TASP1: variants seen among roughly 807,000 people sequenced by gnomAD.
The protein encoded by TASP1 is threonine aspartase 1.
In TASP1, 16 loss-of-function variants were observed where a neutral mutation model predicts 56.6. That is an observed-to-expected ratio of 0.28 (90% CI 0.19 to 0.43). The LOEUF (loss-of-function observed/expected upper bound fraction) is 0.43, where lower values mean the gene tolerates loss of function less well. Among genes scored for constraint, TASP1 ranks in the 20% least tolerant of loss-of-function variants. TASP1 has a pLI of 1.00. For synonymous variants in TASP1, 179 were observed against 184.2 expected (o/e 0.97, Z 0.23); for missense variants, 393 against 511.6 (o/e 0.77, Z 2.24).
chr20:13,477,235 T>C (rs928851601), intron 11 of TASP1, among the ~76,000 whole-genome samples: 1 of 152,106 alleles, frequency 6.6e-6, no homozygotes, highest in African/African-American at 2.4e-5. Flanking sequence ...GATCCTCTAA[T>C]GTCAATGACA....
At chr20:13,573,381 A>G (rs1034262381) in intron 6 of TASP1, among the ~76,000 whole-genome samples, 1 of 152,162 alleles carries the variant, frequency 6.6e-6, no homozygotes, top group Admixed American at 6.5e-5. Context: ...TGGGACACTG[A>G]ATCCCCCAGC....
the TASP1 span, among the ~76,000 whole-genome samples, chr20:13,132,550 T>A: frequency 0.018 from 2,804 of 152,276 alleles, 53 homozygotes; most frequent in South Asian, 0.03. Context: ...TTGCCCTCAC[T>A]AAAAGGTAAA....
At chr20:13,609,931 C>T (rs573921087) in intron 4 of TASP1, among the ~76,000 whole-genome samples, 2 of 152,190 alleles carry the variant, frequency 1.3e-5, no homozygotes, top group South Asian at 4.2e-4. Flanking sequence ...AATACTGCTC[C>T]TCCAAAAAAT....
chr20:13,331,466 TC>T, the TASP1 span, among the ~76,000 whole-genome samples: 1 of 152,158 alleles, frequency 6.6e-6, no homozygotes, highest in Non-Finnish European at 1.5e-5. Context: ...CTTTACATCA[TC>T]AAAATATTTA....
intron 13 of TASP1, among the ~76,000 whole-genome samples, chr20:13,397,245 C>T (rs188252103): frequency 2.0e-5 from 3 of 152,304 alleles, no homozygotes; most frequent in Admixed American, 1.3e-4. Context: ...ACATGGATCT[C>T]GCTCTAAGTG....
chr20:13,422,583 A>T (rs2042482566), intron 12 of TASP1, among the ~76,000 whole-genome samples: 1 of 152,196 alleles, frequency 6.6e-6, no homozygotes, highest in Non-Finnish European at 1.5e-5. Flanking sequence ...TGCCTAAATG[A>T]AGCTTATCCA....
At chr20:13,481,065 T>G (rs1214980078) in intron 11 of TASP1, among the ~76,000 whole-genome samples, 1 of 152,156 alleles carries the variant, frequency 6.6e-6, no homozygotes, top group East Asian at 1.9e-4. Context: ...CTTTCTTATT[T>G]TTTTGTACCT....
At chr20:13,216,277 A>G in the TASP1 span, among the ~76,000 whole-genome samples, 1 of 152,202 alleles carries the variant, frequency 6.6e-6, no homozygotes, top group Non-Finnish European at 1.5e-5. Flanking sequence ...CCCAACTTAC[A>G]GATGAGGCAG....
In TASP1 at chr20:13,533,191, C is replaced by G. The variant is rs575990331; in HGVS notation, c.795+831G>C. The stretch of plus-strand genomic sequence containing the variant: ...TCTTCTTCAAATGTGACAAAGTACA[C>G]AAAGCATAACAAGACACATTCCATC... On this transcript the variant is annotated intron_variant, in intron 9 of 13. Transcript: ENST00000337743. 2.6e-5 allele frequency among the ~76,000 whole-genome samples: 4 copies of G among 152,238 alleles called. No homozygotes were observed. In the East Asian group the frequency reaches 7.7e-4, roughly 29 times the overall value.
the TASP1 span, among the ~76,000 whole-genome samples, chr20:13,368,093 G>A: frequency 6.6e-6 from 1 of 152,098 alleles, no homozygotes; most frequent in Non-Finnish European, 1.5e-5. Flanking sequence ...ACATTCCCAT[G>A]GTGTAGAGCT....
At chr20:13,134,682 G>T in the TASP1 span, among the ~76,000 whole-genome samples, 1 of 151,994 alleles carries the variant, frequency 6.6e-6, no homozygotes, top group African/African-American at 2.4e-5. Context: ...TAACAGAAAA[G>T]AAACAGATCT....
At chr20:13,402,506 T>C (rs766627181) in intron 13 of TASP1, among the ~76,000 whole-genome samples, 22 of 152,222 alleles carry the variant, frequency 1.4e-4, no homozygotes, top group Non-Finnish European at 3.2e-4. Flanking sequence ...CTGTGGTTTA[T>C]AAGTGCACTT....
chr20:13,236,546 A>T, the TASP1 span, among the ~76,000 whole-genome samples: 1 of 152,162 alleles, frequency 6.6e-6, no homozygotes, highest in East Asian at 1.9e-4. Flanking sequence ...CCAAAGGCTT[A>T]ATTTATTTCA....
At chr20:13,442,498 C>A (rs1217895328) in intron 11 of TASP1, among the ~76,000 whole-genome samples, 1 of 151,916 alleles carries the variant, frequency 6.6e-6, no homozygotes, top group African/African-American at 2.4e-5. Flanking sequence ...CAAAAATTAG[C>A]CTGGCATGGT....
the TASP1 span, among the ~76,000 whole-genome samples, chr20:13,270,261 A>G: frequency 1.3e-5 from 2 of 152,234 alleles, no homozygotes; most frequent in African/African-American, 4.8e-5. Flanking sequence ...AGCTTAATAA[A>G]TAGCCCATAA....
At chr20:13,575,896 T>C (rs2046887455) in intron 6 of TASP1, among the ~76,000 whole-genome samples, 6 of 152,080 alleles carry the variant, frequency 3.9e-5, no homozygotes, top group Admixed American at 3.9e-4. Flanking sequence ...CTATATTCAT[T>C]CCCAGGAGAC....
the TASP1 span, among the ~76,000 whole-genome samples, chr20:13,249,034 C>A: frequency 6.6e-6 from 1 of 152,184 alleles, no homozygotes; most frequent in Non-Finnish European, 1.5e-5. Flanking sequence ...GTTCAGGCCC[C>A]ACGTACATGT....
chr20:13,271,162 T>C, the TASP1 span, among the ~76,000 whole-genome samples: 1 of 152,256 alleles, frequency 6.6e-6, no homozygotes. Flanking sequence ...TTTTCAAATA[T>C]GAGTTCAAAG....
In TASP1 at chr20:13,569,591, C is replaced by A. The variant is rs1169905292; in HGVS notation, c.489-5G>T. The A allele has an allele frequency of 6.2e-7, 1 of 1,610,096 alleles. No individual in the cohort carries two copies. Among genetic ancestry groups the A allele is most frequent in the Admixed American group, 1.7e-5 (1 of 59,846 alleles). On this transcript the variant is annotated splice_polypyrimidine_tract_variant and splice_region_variant and intron_variant, in intron 6 of 13. Coordinates refer to ENST00000337743, the MANE Select transcript of TASP1 (RefSeq NM_017714.3). ...GCTCCTTCTCCAACTAAAAAGCTAACAACAGAAAAATTATTTTTAAAATTC... is the reference window on the plus strand; with the variant it reads ...GCTCCTTCTCCAACTAAAAAGCTAAAAACAGAAAAATTATTTTTAAAATTC...
Sources: gnomAD v4.1 joint callset for allele counts (sites outside exome capture counted in the v4.1 genomes callset) on GRCh38, gnomAD v4.1.1 for gene constraint, MANE v1.5 for transcripts, NCBI Gene and HGNC (gene_info 2026-07-23, HGNC 2026-07-21) for gene names.